FAM184B: variants seen among roughly 807,000 people sequenced by gnomAD.
FAM184B encodes family with sequence similarity 184 member B.
In FAM184B, 111 loss-of-function variants were observed where a neutral mutation model predicts 135.9. That is an observed-to-expected ratio of 0.82 (90% CI 0.70 to 0.96). The LOEUF (loss-of-function observed/expected upper bound fraction) is 0.96. Ranked by LOEUF, FAM184B falls within the 40% of genes least tolerant of loss-of-function variation. The pLI is 0.00. For synonymous variants in FAM184B, 552 were observed against 524.8 expected (o/e 1.05, Z -0.71); for missense variants, 1,375 against 1,323.9 (o/e 1.04, Z -0.60).
intron 11 of FAM184B, among the ~76,000 whole-genome samples, chr4:17,649,915 T>TTCATCCA (rs1418844121): frequency 1.3e-5 from 2 of 150,588 alleles, no homozygotes; most frequent in Admixed American, 6.6e-5. Context: ...TGTCCATCCA[T>TTCATCCA]TCATCCATCC....
intron 2 of FAM184B, among the ~76,000 whole-genome samples, chr4:17,708,664 T>TATAC (rs1491382791): frequency 0.062 from 146 of 2,348 alleles, 6 homozygotes; most frequent in Non-Finnish European, 0.073. Context: ...GAAACAAAAC[T>TATAC]ATATATATAT....
At chr4:17,731,171 A>C (rs1435654371) in intron 1 of FAM184B, among the ~76,000 whole-genome samples, 1 of 152,242 alleles carries the variant, frequency 6.6e-6, no homozygotes, top group Non-Finnish European at 1.5e-5. Context: ...GAGCTCCTGA[A>C]GGAAGCACTA....
At chr4:17,699,791 C>CT (rs539435228) in intron 5 of FAM184B, among the ~76,000 whole-genome samples, 167 of 152,094 alleles carry the variant, frequency 1.1e-3, no homozygotes, top group Non-Finnish European at 1.9e-3. Context: ...GAAAATGACC[C>CT]TTTTTTCTCA....
Position 17,705,181 on chromosome 4 carries a change from G to C in FAM184B, c.1196C>G (p.Thr399Arg). The change falls in exon 5 of 18, where the codon ACA (threonine) becomes AGA (arginine). Residue 399 changes from threonine (T) to arginine (R), a missense_variant. Thr to Arg is a moderately conservative substitution (Grantham distance 71, BLOSUM62 -1). Coordinates refer to ENST00000265018, the MANE Select transcript of FAM184B (RefSeq NM_015688.2). Reference sequence around the variant, plus strand: ...TTCATATTGTTGCTTCATATATTCTGTCTCAGCACTTGCCTCTTTCTTGGT... The same window carrying C: ...TTCATATTGTTGCTTCATATATTCTCTCTCAGCACTTGCCTCTTTCTTGGT... ...MQTKKEASAE[T>R]EYMKQQYEED... The C allele has an allele frequency of 1.9e-6, 3 of 1,551,760 alleles. No individual in the cohort carries two copies. The highest frequency in any genetic ancestry group is 2.6e-6 in the Non-Finnish European group (3 of 1,147,012).
rs76574461 is a variant in FAM184B at position 17,705,042 on chromosome 4, G to A, written c.1335C>T (p.Ser445=). 5.2e-6 allele frequency: 8 copies of A among 1,551,688 alleles called. No individual in the cohort carries two copies. Among genetic ancestry groups the A allele is most frequent in the South Asian group, 3.6e-5 (3 of 84,056 alleles). ...LVKKHTVEIK[S]VRSSVEAERK... The stretch of plus-strand genomic sequence containing the variant: ...TTTCAGCCTCCACGGACGAGCGAAC[G>A]GATTTGATTTCCACGGTGTGCTTCT... The change falls in exon 5 of 18, where the codon TCC becomes TCT. Residue 445 remains serine (S), a synonymous_variant. Coordinates refer to ENST00000265018, the MANE Select transcript of FAM184B (RefSeq NM_015688.2).
intron 8 of FAM184B, 104 bp from the exon 9 acceptor site, chr4:17,660,191 G>C (rs1011191408): frequency 7.5e-7 from 1 of 1,338,576 alleles, no homozygotes; most frequent in East Asian, 2.5e-5. Flanking sequence ...AGAAAGCTCC[G>C]ATAGCAGTTA....
chr4:17,693,199 G>A (rs1367695559), intron 6 of FAM184B, 103 bp downstream of exon 6: 30 of 777,048 alleles, frequency 3.9e-5, no homozygotes, highest in Non-Finnish European at 5.8e-5. Context: ...CTGTCTGGCT[G>A]AGTGTCCTTT....
intron 11 of FAM184B, among the ~76,000 whole-genome samples, chr4:17,649,794 A>G (rs773969283): frequency 2.6e-5 from 4 of 151,992 alleles, no homozygotes; most frequent in Admixed American, 6.6e-5. Flanking sequence ...CCCACCATTC[A>G]TCTATCCATC....
intron 14 of FAM184B, among the ~76,000 whole-genome samples, chr4:17,638,236 T>C (rs1271751152): frequency 1.3e-5 from 2 of 148,984 alleles, no homozygotes; most frequent in Non-Finnish European, 3.0e-5. Flanking sequence ...TAGCCCAGGC[T>C]GGAGTGCAGG....
intron 11 of FAM184B, among the ~76,000 whole-genome samples, chr4:17,649,890 A>ATCTG: frequency 1.3e-5 from 2 of 151,342 alleles, no homozygotes; most frequent in East Asian, 1.9e-4. Context: ...CCACCCATCT[A>ATCTG]TCTGTCTACC....
At chr4:17,670,709 C>G (rs1716152207) in intron 7 of FAM184B, among the ~76,000 whole-genome samples, 1 of 152,226 alleles carries the variant, frequency 6.6e-6, no homozygotes, top group African/African-American at 2.4e-5. Context: ...AGGAAAGGCA[C>G]TGCCATCTTT....
intron 1 of FAM184B, among the ~76,000 whole-genome samples, chr4:17,712,811 T>C (rs1290260568): frequency 6.6e-6 from 1 of 152,058 alleles, no homozygotes; most frequent in East Asian, 1.9e-4. Flanking sequence ...AATTATGAAA[T>C]AGAAAATAGG....
chr4:17,705,924 G>A (rs1297932864), intron 3 of FAM184B, 33 bp from the exon 4 acceptor site: 1 of 1,551,310 alleles, frequency 6.4e-7, no homozygotes, highest in Non-Finnish European at 8.7e-7. Context: ...TATTTGGAAT[G>A]CTCTTGGCCA....
chr4:17,642,137 T>G lies in FAM184B; in HGVS notation c.2438A>C (p.Gln813Pro), dbSNP rs1465699577. Residue 813 changes from glutamine (Q) to proline (P), a missense_variant, in exon 13 of 18, where the codon CAG becomes CCG. Gln to Pro is a moderately conservative substitution (Grantham distance 76). Coordinates refer to ENST00000265018, the MANE Select transcript of FAM184B (RefSeq NM_015688.2). ...CAGCCGCCGCACCGCGTCCTGGAGC[T>G]GCGCGTTCTCCTCCCAGAGCCCGCA... The part of the protein sequence containing the change: ...EGCGLWEENA[Q>P]LQDAVRRLRA... The G allele has an allele frequency of 1.3e-6, 2 of 1,533,652 alleles. No homozygotes were observed. Among genetic ancestry groups the G allele is most frequent in the Admixed American group, 3.9e-5 (2 of 50,900 alleles).
At chr4:17,673,290 C>G (rs544289646) in intron 7 of FAM184B, among the ~76,000 whole-genome samples, 2 of 152,072 alleles carry the variant, frequency 1.3e-5, no homozygotes, top group East Asian at 1.9e-4. Context: ...ATGCAATGAA[C>G]AGGGAACACT....
Position 17,725,750 on chromosome 4 carries a change from C to T in FAM184B, c.142-16106G>A, listed in dbSNP as rs996711585. On this transcript the variant is annotated intron_variant, in intron 1 of 17. Transcript: ENST00000265018. ...AGAAAGTGGCATTTAGTACATATTC[C>T]TAAAAGTCTTTCCTTGCCTTTTTAA... 2.0e-5 allele frequency among the ~76,000 whole-genome samples: 3 copies of T among 152,260 alleles called. No individual in the cohort carries two copies. The South Asian group carries it at 6.2e-4, about 32-fold the overall frequency.
At chr4:17,693,196 G>T in intron 6 of FAM184B, 106 bp downstream of exon 6, 2 of 755,304 alleles carry the variant, frequency 2.6e-6, no homozygotes, top group Non-Finnish European at 4.3e-6. Flanking sequence ...TGCCTGTCTG[G>T]CTGAGTGTCC....
At chr4:17,729,492 A>AC (rs1319593573) in intron 1 of FAM184B, among the ~76,000 whole-genome samples, 1 of 152,068 alleles carries the variant, frequency 6.6e-6, no homozygotes, top group Non-Finnish European at 1.5e-5. Context: ...ACTGGGAGGC[A>AC]CCCCCCAGTA....
chr4:17,678,308 A>C (rs553017808), intron 7 of FAM184B, among the ~76,000 whole-genome samples: 1 of 152,336 alleles, frequency 6.6e-6, no homozygotes, highest in South Asian at 2.1e-4. Context: ...GAACTGATAC[A>C]TGAATTCAGC....
Sources: gnomAD v4.1 joint callset for allele counts (sites outside exome capture counted in the v4.1 genomes callset) on GRCh38, gnomAD v4.1.1 for gene constraint, MANE v1.5 for transcripts, NCBI Gene and HGNC (gene_info 2026-07-23, HGNC 2026-07-21) for gene names.